ALG9: variants seen among roughly 807,000 people sequenced by gnomAD.
The protein encoded by ALG9 is alpha-1,2-mannosyltransferase ALG9.
ALG9 carries 55 observed loss-of-function variants against 81.8 expected under a neutral mutation model. The observed-to-expected ratio is 0.67, with a 90% CI of 0.54 to 0.84. The LOEUF (loss-of-function observed/expected upper bound fraction) is 0.84. Among genes scored for constraint, ALG9 ranks in the 40% least tolerant of loss-of-function variants. The probability of loss-of-function intolerance (pLI) is 0.00; values close to 1 mark genes in which losing one functional copy is unlikely to be tolerated. For missense variants in ALG9, 629 were observed against 745.0 expected (o/e 0.84, Z 1.81); for synonymous variants, 278 against 274.3 (o/e 1.01, Z -0.13).
chr11:111,829,112 C>T (rs568105993), intron 13 of ALG9: 1 of 152,236 alleles, frequency 6.6e-6, no homozygotes, highest in Non-Finnish European at 1.5e-5. Context: ...TCTCACACTG[C>T]AAAATCTGAG....
intron 8 of ALG9, among the ~76,000 whole-genome samples, chr11:111,848,218 C>T (rs569312689): frequency 1.2e-4 from 18 of 152,288 alleles, no homozygotes; most frequent in African/African-American, 4.3e-4. Flanking sequence ...TAACTTCTGA[C>T]ACACAGTAGG....
At chr11:111,860,871 T>C (rs572969720) in intron 4 of ALG9, among the ~76,000 whole-genome samples, 8 of 152,174 alleles carry the variant, frequency 5.3e-5, no homozygotes, top group Non-Finnish European at 1.2e-4. Context: ...TAAGATTATA[T>C]CTATCAAGTG....
intron 13 of ALG9, chr11:111,814,821 T>C (rs1951245270): frequency 6.6e-6 from 1 of 152,186 alleles, no homozygotes; most frequent in South Asian, 2.1e-4. Flanking sequence ...GGAAGTAGCC[T>C]TTTTGGTCTG....
rs782194267 is a variant in ALG9, at chr11:111,870,150, T to C, written c.270+82A>G. On this transcript the variant is annotated intron_variant, in intron 2 of 14. Transcript: ENST00000616540. ...GTTATTTTACTAGGAGTCACACTTGTATATTATTTGTCTCTCGATTGGTAA... is the reference window on the plus strand; with the variant it reads ...GTTATTTTACTAGGAGTCACACTTGCATATTATTTGTCTCTCGATTGGTAA... 3.5e-4 allele frequency: 501 copies of C among 1,438,318 alleles called. 1 individual carries two copies. The highest frequency in any genetic ancestry group is 4.6e-4 in the Non-Finnish European group (490 of 1,062,822). The allele number at this position is 1,438,318 out of a possible 1,614,324, so 89.1% of individuals were successfully genotyped here.
At chr11:111,772,496 G>C in the ALG9 span, among the ~76,000 whole-genome samples, 4 of 152,212 alleles carry the variant, frequency 2.6e-5, no homozygotes, top group Admixed American at 6.5e-5. Flanking sequence ...TCTGGAGTCA[G>C]GAAGATGTAG....
At chr11:111,774,331 G>T in the ALG9 span, among the ~76,000 whole-genome samples, 1 of 152,138 alleles carries the variant, frequency 6.6e-6, no homozygotes, top group African/African-American at 2.4e-5. Context: ...AGCCGAGATT[G>T]CACCATTGCA....
At position 111,871,456 on chromosome 11, in the gene ALG9, G is replaced by A. The variant is rs1555159045; in HGVS notation, c.27C>T (p.Arg9=). 4 of 1,536,688 alleles carry A rather than the reference G, an allele frequency of 2.6e-6. No individual in the cohort carries two copies. The Admixed American group carries it at 7.8e-5, about 30-fold the overall frequency. Residue 9 remains arginine, a synonymous_variant, in exon 1 of 15, where the codon CGC becomes CGT. Coordinates refer to ENST00000616540, the MANE Select transcript of ALG9 (RefSeq NM_024740.2). The part of the protein sequence containing the change: MASRGARQ[R]LKGSGASSGD... ...CACTGCTGGCCCCGCTGCCCTTCAG[G>A]CGCTGCCGAGCCCCTCGACTAGCCA...
intron 8 of ALG9, among the ~76,000 whole-genome samples, chr11:111,845,845 A>G (rs1566055463): frequency 6.6e-6 from 1 of 152,242 alleles, no homozygotes; most frequent in Non-Finnish European, 1.5e-5. Flanking sequence ...AAATAAGATT[A>G]GAAACCAAAC....
intron 13 of ALG9, among the ~76,000 whole-genome samples, chr11:111,812,388 T>C (rs895801971): frequency 7.9e-5 from 12 of 152,022 alleles, no homozygotes; most frequent in African/African-American, 2.2e-4. Flanking sequence ...GGCAAGACAG[T>C]GAGACTCTGT....
chr11:111,826,545 C>T (rs1953336525), intron 13 of ALG9, among the ~76,000 whole-genome samples: 1 of 152,012 alleles, frequency 6.6e-6, no homozygotes, highest in Non-Finnish European at 1.5e-5. Flanking sequence ...CAGACAGAGT[C>T]TCACTCTGTC....
intron 13 of ALG9, among the ~76,000 whole-genome samples, chr11:111,813,303 A>C (rs935976672): frequency 6.6e-6 from 1 of 152,206 alleles, no homozygotes; most frequent in Non-Finnish European, 1.5e-5. Flanking sequence ...ATACCTTTTC[A>C]CCAAAAGACA....
intron 13 of ALG9, among the ~76,000 whole-genome samples, chr11:111,829,840 G>C (rs1555112043): frequency 6.6e-6 from 1 of 152,196 alleles, no homozygotes. Flanking sequence ...CACAGAGTAA[G>C]CCTCTAACAG....
intron 14 of ALG9, among the ~76,000 whole-genome samples, chr11:111,789,363 C>T (rs1947015521): frequency 6.6e-6 from 1 of 151,916 alleles, no homozygotes; most frequent in Non-Finnish European, 1.5e-5. Flanking sequence ...GCAATCCTCC[C>T]ACCTCAGCTT....
At chr11:111,848,775 G>A (rs1957308521) in intron 8 of ALG9, among the ~76,000 whole-genome samples, 1 of 152,064 alleles carries the variant, frequency 6.6e-6, no homozygotes, top group South Asian at 2.1e-4. Context: ...TGCTTCAGCA[G>A]TCCCTATATT....
intron 12 of ALG9, 59 bp downstream of exon 12, chr11:111,837,409 T>A (rs1209898286): frequency 1.4e-5 from 23 of 1,592,088 alleles, no homozygotes; most frequent in Non-Finnish European, 1.9e-5. Flanking sequence ...AAGACACTGA[T>A]ATAGAACTGC....
intron 3 of ALG9, among the ~76,000 whole-genome samples, chr11:111,868,163 C>G (rs1291171254): frequency 1.3e-5 from 2 of 152,128 alleles, no homozygotes; most frequent in African/African-American, 4.8e-5. Flanking sequence ...CAGGACAAAC[C>G]CAAAGAAATC....
At chr11:111,862,742 T>C (rs930074791) in intron 4 of ALG9, among the ~76,000 whole-genome samples, 2 of 150,738 alleles carry the variant, frequency 1.3e-5, no homozygotes, top group Non-Finnish European at 3.0e-5. Context: ...ATATGATTCT[T>C]ATAAGTTCTG....
chr11:111,779,600 C>T (rs1945816541), downstream of ALG9, among the ~76,000 whole-genome samples: 1 of 152,100 alleles, frequency 6.6e-6, no homozygotes, highest in African/African-American at 2.4e-5. Flanking sequence ...ATCCTCCCAC[C>T]TCAGCCTCCC....
intron 8 of ALG9, 117 bp downstream of exon 8, chr11:111,853,263 G>C: frequency 2.6e-6 from 2 of 763,460 alleles, no homozygotes; most frequent in Admixed American, 2.0e-5. Context: ...AATAGGAAAA[G>C]ATAATATCAG....
Sources: allele counts gnomAD v4.1 joint callset (sites outside exome capture counted in the v4.1 genomes callset), GRCh38; gene constraint gnomAD v4.1.1; transcripts MANE v1.5; gene names NCBI Gene and HGNC (gene_info 2026-07-23, HGNC 2026-07-21).